Variants in AOX1 observed in about 807,000 individuals in gnomAD.
AOX1 encodes the protein aldehyde oxidase 1, also known as aldehyde oxidase.
Under a neutral mutation model 169.5 loss-of-function variants are expected in AOX1, and 153 were observed. That is an observed-to-expected ratio of 0.90 (90% confidence interval 0.79 to 1.03). The LOEUF (loss-of-function observed/expected upper bound fraction) is 1.03. Ranked by LOEUF, AOX1 falls within the 50% of genes least tolerant of loss-of-function variation. The pLI is 0.00. For synonymous variants in AOX1, 562 were observed against 581.9 expected (o/e 0.97, Z 0.49); for missense variants, 1,656 against 1,663.9 (o/e 1.00, Z 0.08).
At chr2:200,590,531 C>T (rs1261245783) in intron 1 of AOX1, among the ~76,000 whole-genome samples, 4 of 152,046 alleles carry the variant, frequency 2.6e-5, no homozygotes, top group African/African-American at 7.2e-5. Context: ...TCTCTGCCCC[C>T]ACTTCCTCCA....
chr2:200,656,961 G>A (rs775353489), intron 27 of AOX1, 24 bp downstream of exon 27: 1 of 1,482,268 alleles, frequency 6.7e-7, no homozygotes, highest in South Asian at 1.3e-5. Flanking sequence ...TAACTCGATT[G>A]AGTTGGGTGT....
In AOX1 at chr2:200,638,310, C is replaced by G. The variant is rs780306436; in HGVS notation, c.2568+8C>G. The stretch of plus-strand genomic sequence containing the variant: ...TACCTTGGAAAGTACAAAGTGAGTA[C>G]AAGAGGGCATGGAGGAAGGATTTAT... On this transcript the variant is annotated splice_region_variant and intron_variant, in intron 23 of 34. Coordinates refer to ENST00000374700, the MANE Select transcript of AOX1 (RefSeq NM_001159.4). The G allele has an allele frequency of 1.2e-6, 2 of 1,612,038 alleles. No homozygotes were observed. The highest frequency in any genetic ancestry group is 2.2e-5 in the South Asian group (2 of 91,008).
rs143566294 is a variant in AOX1, at chr2:200,587,137, A to C, written c.45+984A>C. Among the ~76,000 whole-genome samples, 6 of 151,454 alleles carry C rather than the reference A, an allele frequency of 4.0e-5. No homozygotes were observed. In the East Asian group the frequency reaches 1.2e-3, roughly 29 times the overall value. On this transcript the variant is annotated intron_variant, in intron 1 of 34. Transcript: ENST00000374700. ...AACCAAACAAAACAAAACAACAACA[A>C]CAAAAAAAAACCGGTGTGGTGGTGC...
At chr2:200,595,911 G>A (rs529831944) in intron 3 of AOX1, among the ~76,000 whole-genome samples, 17 of 152,168 alleles carry the variant, frequency 1.1e-4, no homozygotes, top group Middle Eastern at 3.4e-3. Flanking sequence ...AGTCATTCCC[G>A]TACTTATAAG....
At chr2:200,666,816 G>A in intron 32 of AOX1, 64 bp downstream of exon 32, 2 of 1,151,364 alleles carry the variant, frequency 1.7e-6, no homozygotes, top group Admixed American at 4.0e-5. Context: ...GGGGTCTGCA[G>A]GAGAGCATTC....
At chr2:200,589,276 C>G (rs2034119121) in intron 1 of AOX1, among the ~76,000 whole-genome samples, 1 of 152,056 alleles carries the variant, frequency 6.6e-6, no homozygotes, top group African/African-American at 2.4e-5. Context: ...TCTACCAAGG[C>G]CCCCAGAAGA....
At chr2:200,624,075 T>G (rs1303550721) in intron 19 of AOX1, 92 bp downstream of exon 19, 12 of 1,532,468 alleles carry the variant, frequency 7.8e-6, no homozygotes, top group African/African-American at 1.4e-5. Flanking sequence ...AAAATGTGGC[T>G]CAAAGTGGCC....
At chr2:200,603,457 A>G in intron 7 of AOX1, 101 bp downstream of exon 7, 1 of 855,926 alleles carries the variant, frequency 1.2e-6, no homozygotes, top group Non-Finnish European at 1.9e-6. Context: ...GACTAACTTG[A>G]GGTATGTCAA....
At position 200,613,853 on chromosome 2, in the gene AOX1, G is replaced by A. The variant is rs1315510088; in HGVS notation, c.1498G>A (p.Glu500Lys). 1 of 1,612,570 alleles carries A rather than the reference G, an allele frequency of 6.2e-7. No individual in the cohort carries two copies. Among genetic ancestry groups the A allele is most frequent in the African/African-American group, 1.3e-5 (1 of 74,868 alleles). Residue 500 changes from glutamate to lysine, a missense_variant, in exon 15 of 35, where the codon GAA becomes AAA. Physicochemically the swap from Glu to Lys is moderately conservative, Grantham distance 56. Transcript: ENST00000374700. Reference sequence around the variant, plus strand: ...TATAGCCTGCAGGCTTATTCTGAATGAAGTCTCCCTTTTGGGCTCGGCGCC... The same window carrying A: ...TATAGCCTGCAGGCTTATTCTGAATAAAGTCTCCCTTTTGGGCTCGGCGCC... ...LDIACRLILN[E>K]VSLLGSAPGG...
downstream of AOX1, among the ~76,000 whole-genome samples, chr2:200,678,800 A>C (rs1055228077): frequency 6.6e-6 from 1 of 151,448 alleles, no homozygotes; most frequent in South Asian, 2.1e-4. Flanking sequence ...GTCATGCATC[A>C]TTTCAGTTTG....
chr2:200,614,031 G>T (rs779661417), intron 15 of AOX1, 65 bp downstream of exon 15: 2 of 1,441,566 alleles, frequency 1.4e-6, no homozygotes, highest in Non-Finnish European at 1.9e-6. Context: ...AAAAGTAGAG[G>T]CAATGACTCC....
At chr2:200,587,120 A>G (rs373076362) in intron 1 of AOX1, among the ~76,000 whole-genome samples, 1 of 151,282 alleles carries the variant, frequency 6.6e-6, no homozygotes. Context: ...AAAACCAAAC[A>G]AAACAAAACA....
chr2:200,664,933 G>C (rs1351228107), intron 31 of AOX1, among the ~76,000 whole-genome samples: 1 of 152,220 alleles, frequency 6.6e-6, no homozygotes, highest in African/African-American at 2.4e-5. Context: ...TTCTGCATGA[G>C]GCTTGTCAAG....
intron 13 of AOX1, among the ~76,000 whole-genome samples, chr2:200,612,269 T>A (rs2034655661): frequency 6.6e-6 from 1 of 152,186 alleles, no homozygotes; most frequent in African/African-American, 2.4e-5. Flanking sequence ...CGCCTTGGAT[T>A]CCTCATCTGT....
At chr2:200,680,076 C>T (rs1344964873), downstream of AOX1, among the ~76,000 whole-genome samples, 1 of 152,062 alleles carries the variant, frequency 6.6e-6, no homozygotes, top group Non-Finnish European at 1.5e-5. Flanking sequence ...AAGACTTCAT[C>T]TCTAAAAATA....
intron 33 of AOX1, 97 bp from the exon 34 acceptor site, chr2:200,669,477 TA>T: frequency 7.6e-7 from 1 of 1,316,832 alleles, no homozygotes; most frequent in South Asian, 1.4e-5. Flanking sequence ...ACATATGTAG[TA>T]CGTAATATTT....
downstream of AOX1, among the ~76,000 whole-genome samples, chr2:200,672,427 A>C (rs2036042878): frequency 1.3e-5 from 2 of 152,240 alleles, no homozygotes; most frequent in Admixed American, 1.3e-4. Context: ...GCTAAATAGC[A>C]AGGCATAGTC....
chr2:200,673,318 T>C (rs77205294), downstream of AOX1, among the ~76,000 whole-genome samples: 829 of 152,302 alleles, frequency 5.4e-3, 12 homozygotes, highest in African/African-American at 0.019. Flanking sequence ...CTTGGATGTC[T>C]CAAAGGCACT....
chr2:200,638,850 A>G (rs1222490009), intron 23 of AOX1, among the ~76,000 whole-genome samples: 2 of 152,188 alleles, frequency 1.3e-5, no homozygotes, highest in Non-Finnish European at 2.9e-5. Flanking sequence ...AACAACTTAA[A>G]AGCTCTTAAA....
Sources: gnomAD v4.1 joint callset for allele counts (sites outside exome capture counted in the v4.1 genomes callset) on GRCh38, gnomAD v4.1.1 for gene constraint, MANE v1.5 for transcripts, NCBI Gene and HGNC (gene_info 2026-07-23, HGNC 2026-07-21) for gene names.